GOLGA4: variants seen among roughly 807,000 people sequenced by gnomAD.
GOLGA4 encodes the protein golgin A4.
Under a neutral mutation model 265.9 loss-of-function variants are expected in GOLGA4, and 169 were observed. The ratio of observed to expected loss-of-function variants is 0.64; its 90% CI spans 0.56 to 0.72. The LOEUF is 0.72. Ranked by LOEUF, GOLGA4 falls within the 30% of genes least tolerant of loss-of-function variation. The probability of loss-of-function intolerance (pLI) is 0.00; values close to 1 mark genes in which losing one functional copy is unlikely to be tolerated. For missense variants in GOLGA4, 2,482 were observed against 2,483.4 expected (o/e 1.00, Z 0.01); for synonymous variants, 923 against 855.8 (o/e 1.08, Z -1.37).
intron 23 of GOLGA4, among the ~76,000 whole-genome samples, chr3:37,362,788 T>TTTTTTTTTTTTTG (rs1696425407): frequency 7.6e-6 from 1 of 132,238 alleles, no homozygotes; most frequent in Non-Finnish European, 1.7e-5. Context: ...AGCTTTTTTT[T>TTTTTTTTTTTTTG]TTTTTTTTTT....
At chr3:37,319,041 T>C in intron 11 of GOLGA4, 22 bp from the exon 12 acceptor site, 2 of 1,543,132 alleles carry the variant, frequency 1.3e-6, no homozygotes, top group Non-Finnish European at 1.8e-6. Flanking sequence ...GTCCTTATAT[T>C]ATCTATTTGG....
Position 37,347,203 on chromosome 3 carries a change from G to A in GOLGA4, c.6483G>A (p.Leu2161=). Residue 2161 remains leucine (L), a synonymous_variant, in exon 21 of 24, where the codon TTG becomes TTA. Coordinates refer to ENST00000361924, the MANE Select transcript of GOLGA4 (RefSeq NM_002078.5). ...TVGTPYKGGN[L]YHTDVSLFGE... ...TTTTTTATTTGGCAGGTGGCAATTT[G>A]TACCATACGGATGTCTCACTCTTTG... is the stretch of plus-strand genomic sequence containing the variant. 6.2e-7 allele frequency: 1 copy of A among 1,608,698 alleles called. No individual in the cohort carries two copies. Among genetic ancestry groups the A allele is most frequent in the Non-Finnish European group, 8.5e-7 (1 of 1,175,786 alleles).
At chr3:37,336,585 A>C (rs1050067507) in intron 17 of GOLGA4, among the ~76,000 whole-genome samples, 47 of 148,284 alleles carry the variant, frequency 3.2e-4, no homozygotes, top group African/African-American at 1.1e-3. Context: ...ACATGGAGAA[A>C]CCCCATCTCT....
intron 9 of GOLGA4, among the ~76,000 whole-genome samples, chr3:37,299,766 G>A (rs1054661668): frequency 6.6e-6 from 1 of 151,956 alleles, no homozygotes; most frequent in Admixed American, 6.6e-5. Context: ...AAATAAATAA[G>A]GGGCTGGGCA....
intron 1 of GOLGA4, among the ~76,000 whole-genome samples, chr3:37,246,099 C>A (rs1030127419): frequency 6.6e-6 from 1 of 151,826 alleles, no homozygotes; most frequent in South Asian, 2.1e-4. Context: ...GCCTGTAATC[C>A]CAGCACTTTG....
At chr3:37,364,263 G>A (rs770856985) in intron 23 of GOLGA4, among the ~76,000 whole-genome samples, 2 of 151,792 alleles carry the variant, frequency 1.3e-5, no homozygotes, top group Non-Finnish European at 2.9e-5. Flanking sequence ...TATTTGAGAC[G>A]GAGTTTCACT....
intron 1 of GOLGA4, chr3:37,243,877 C>T (rs1186153337): frequency 5.6e-6 from 3 of 533,940 alleles, no homozygotes; most frequent in African/African-American, 3.9e-5. Context: ...GACATTCCAT[C>T]TCCGTTAAGA....
In GOLGA4 at chr3:37,320,719, C is replaced by CT. The variant is rs1456360929; in HGVS notation, c.1546-1011dup. Among the ~76,000 whole-genome samples the CT allele has an allele frequency of 3.9e-5, 6 of 152,310 alleles. No homozygotes were observed. In the South Asian group the frequency reaches 1.2e-3, roughly 32 times the overall value. On this transcript the variant is annotated intron_variant, in intron 12 of 23. Transcript: ENST00000361924. ...AAAATGCCTGTCATAAGGACCTACT[C>CT]TGAGTTTTCATGCTGGGGTAACTGA... is the stretch of plus-strand genomic sequence containing the variant.
intron 9 of GOLGA4, among the ~76,000 whole-genome samples, chr3:37,301,577 T>A (rs1045584933): frequency 6.6e-6 from 1 of 152,200 alleles, no homozygotes; most frequent in African/African-American, 2.4e-5. Context: ...GATAGCACAT[T>A]TGTAGAAAGG....
chr3:37,339,496 CTAT>C (rs2097025764), intron 19 of GOLGA4, among the ~76,000 whole-genome samples: 1 of 152,152 alleles, frequency 6.6e-6, no homozygotes, highest in Admixed American at 6.5e-5. Flanking sequence ...AGTGGCTGTA[CTAT>C]TTTACATTAC....
intron 3 of GOLGA4, 37 bp from the exon 4 acceptor site, chr3:37,285,977 T>G (rs533728428): frequency 2.4e-6 from 3 of 1,251,472 alleles, no homozygotes; most frequent in East Asian, 4.7e-5. Context: ...TTGCATTTAT[T>G]TAGGAATGAC....
chr3:37,296,232 T>A lies in GOLGA4; in HGVS notation c.814+13T>A, dbSNP rs2096877954. 1 of 1,613,374 alleles carries A rather than the reference T, an allele frequency of 6.2e-7. No homozygotes were observed. The highest frequency in any genetic ancestry group is 1.3e-5 in the African/African-American group (1 of 74,858). On this transcript the variant is annotated intron_variant, in intron 7 of 23. Coordinates refer to ENST00000361924, the MANE Select transcript of GOLGA4 (RefSeq NM_002078.5). ...GGAGAGCCAGTAGGTAAGCTTCATT[T>A]TGTCAAAAGGTTAATTTAAAAACTA...
intron 9 of GOLGA4, 86 bp downstream of exon 9, chr3:37,299,457 T>C: frequency 7.9e-6 from 6 of 762,540 alleles, no homozygotes; most frequent in Non-Finnish European, 1.1e-5. Context: ...TTCATGCTTG[T>C]TTCTGTTTTC....
At chr3:37,244,656 A>G (rs2096713915) in intron 1 of GOLGA4, among the ~76,000 whole-genome samples, 1 of 152,238 alleles carries the variant, frequency 6.6e-6, no homozygotes, top group Non-Finnish European at 1.5e-5. Context: ...CTAAATTCTT[A>G]ACATACAACG....
In GOLGA4 at chr3:37,355,153, A is replaced by G. The variant is rs759679447; in HGVS notation, c.6629A>G (p.Gln2210Arg). 1 of 1,608,840 alleles carries G rather than the reference A, an allele frequency of 6.2e-7. No individual in the cohort carries two copies. Among genetic ancestry groups the G allele is most frequent in the South Asian group, 1.1e-5 (1 of 90,978 alleles). The part of the protein sequence containing the change: ...TVLKFPDDQT[Q>R]KILEREDARL... ...CTGAAGTTCCCTGATGATCAGACTC[A>G]GAAAATTTTGGAAAGAGAAGATGCT... The change falls in exon 22 of 24, where the codon CAG becomes CGG. Residue 2210 changes from glutamine (Q) to arginine (R), a missense_variant. Coordinates refer to ENST00000361924, the MANE Select transcript of GOLGA4 (RefSeq NM_002078.5).
At position 37,325,179 on chromosome 3, in the gene GOLGA4, A is replaced by G; in HGVS notation, c.3293A>G (p.Lys1098Arg). The change falls in exon 14 of 24, where the codon AAG (lysine) becomes AGG (arginine). Residue 1098 changes from lysine (K) to arginine (R), a missense_variant. Transcript: ENST00000361924. Reference sequence around the variant, plus strand: ...ATGAACAAGGAAATAACATGGCTGAAGGAAGAAGGTGTTAAGCAGGATACA... The same window carrying G: ...ATGAACAAGGAAATAACATGGCTGAGGGAAGAAGGTGTTAAGCAGGATACA... ...EEMNKEITWL[K>R]EEGVKQDTTL... The G allele has an allele frequency of 1.2e-6, 2 of 1,613,824 alleles. No individual in the cohort carries two copies. Among genetic ancestry groups the G allele is most frequent in the South Asian group, 2.2e-5 (2 of 91,060 alleles).
intron 3 of GOLGA4, among the ~76,000 whole-genome samples, chr3:37,285,517 T>C (rs542743963): frequency 6.6e-6 from 1 of 152,346 alleles, no homozygotes; most frequent in African/African-American, 2.4e-5. Flanking sequence ...GAAGGAACTT[T>C]TAGAAATCAA....
At chr3:37,346,873 C>CA (rs1439932804) in intron 20 of GOLGA4, among the ~76,000 whole-genome samples, 1 of 152,138 alleles carries the variant, frequency 6.6e-6, no homozygotes, top group African/African-American at 2.4e-5. Context: ...ACACATAACA[C>CA]AGTTTGTTTT....
At chr3:37,279,640 C>T (rs750683158) in intron 2 of GOLGA4, among the ~76,000 whole-genome samples, 1 of 152,168 alleles carries the variant, frequency 6.6e-6, no homozygotes, top group Non-Finnish European at 1.5e-5. Flanking sequence ...AGCGTGTTGG[C>T]TCACACCTGT....
Sources: allele counts gnomAD v4.1 joint callset (sites outside exome capture counted in the v4.1 genomes callset), GRCh38; gene constraint gnomAD v4.1.1; transcripts MANE v1.5; gene names NCBI Gene and HGNC (gene_info 2026-07-23, HGNC 2026-07-21).